CDK6: variants seen among roughly 807,000 people sequenced by gnomAD.
The protein encoded by CDK6 is cyclin dependent kinase 6, also known as cyclin-dependent kinase 6.
In CDK6, 6 loss-of-function variants were observed where a neutral mutation model predicts 37.1. That is an observed-to-expected ratio of 0.16 (90% confidence interval 0.09 to 0.32). The LOEUF is 0.32. Ranked by LOEUF, CDK6 falls within the 10% of genes least tolerant of loss-of-function variation. CDK6 has a pLI of 1.00. For synonymous variants in CDK6, 160 were observed against 161.3 expected, an observed-to-expected ratio of 0.99 and a Z score of 0.06; for missense variants, 224 against 418.9, an observed-to-expected ratio of 0.53 and a Z score of 4.06.
Position 92,608,117 on chromosome 7 carries a change from C to G in CDK6, c.*7023G>C, listed in dbSNP as rs908703482. 4.3e-6 allele frequency: 1 copy of G among 232,800 alleles called. No individual in the cohort carries two copies. Among genetic ancestry groups the G allele is most frequent in the Non-Finnish European group, 8.5e-6 (1 of 117,704 alleles). The allele number at this position is 232,800 out of a possible 1,614,324, so 14.4% of individuals were successfully genotyped here. ...ATCAACGGAATTTTTCTAGGGACCA[C>G]AGAGAGTTAGAAATTAAATAATTGT... On this transcript the variant is annotated 3_prime_UTR_variant, in exon 8 of 8. Coordinates refer to ENST00000424848, the MANE Select transcript of CDK6 (RefSeq NM_001145306.2).
chr7:92,705,388 C>T (rs1221024447), intron 4 of CDK6, among the ~76,000 whole-genome samples: 1 of 152,170 alleles, frequency 6.6e-6, no homozygotes. Flanking sequence ...CACCAAGTAA[C>T]CAACCTTCTC....
At chr7:92,811,434 T>C (rs957900702) in intron 2 of CDK6, among the ~76,000 whole-genome samples, 3 of 152,084 alleles carry the variant, frequency 2.0e-5, no homozygotes, top group African/African-American at 7.2e-5. Flanking sequence ...GAAAAGATTC[T>C]TTCTTGGCCT....
At chr7:92,811,871 G>A (rs1800894511) in intron 2 of CDK6, among the ~76,000 whole-genome samples, 1 of 152,114 alleles carries the variant, frequency 6.6e-6, no homozygotes, top group African/African-American at 2.4e-5. Flanking sequence ...CACTTAAAAG[G>A]GCGAGGCGCA....
At chr7:92,737,746 C>T (rs1329775646) in intron 3 of CDK6, among the ~76,000 whole-genome samples, 1 of 152,156 alleles carries the variant, frequency 6.6e-6, no homozygotes, top group African/African-American at 2.4e-5. Flanking sequence ...TAATGCTGAA[C>T]TGTGTGCATT....
In CDK6 at chr7:92,725,707, C is replaced by T. The variant is rs2116709915; in HGVS notation, c.456G>A (p.Leu152=). ...GTTTTATTTGTCCGCTGCTGGTCAC[C>T]AGAATGTTCTGTGGTTTTAGATCGC... ...VHRDLKPQNI[L]VTSSGQIKLA... is the part of the protein sequence containing the mutation. Residue 152 remains leucine (L), a synonymous_variant, in exon 4 of 8, where the codon CTG becomes CTA. Coordinates refer to ENST00000424848, the MANE Select transcript of CDK6 (RefSeq NM_001145306.2). 1 of 1,614,076 alleles carries T rather than the reference C, an allele frequency of 6.2e-7. No homozygotes were observed. The highest frequency in any genetic ancestry group is 1.1e-5 in the South Asian group (1 of 91,074).
intron 4 of CDK6, among the ~76,000 whole-genome samples, chr7:92,701,477 C>A (rs1410226348): frequency 3.9e-5 from 6 of 151,906 alleles, no homozygotes; most frequent in Admixed American, 3.9e-4. Context: ...GCGATCTCCA[C>A]TCACTGCAAG....
At chr7:92,630,098 T>A (rs1796018833) in intron 5 of CDK6, among the ~76,000 whole-genome samples, 1 of 152,098 alleles carries the variant, frequency 6.6e-6, no homozygotes, top group African/African-American at 2.4e-5. Flanking sequence ...AAACATTCAG[T>A]CAGTAACACG....
chr7:92,714,540 C>T (rs972118829), intron 4 of CDK6, among the ~76,000 whole-genome samples: 17 of 152,104 alleles, frequency 1.1e-4, no homozygotes, highest in African/African-American at 4.1e-4. Flanking sequence ...GGGCTTGTTT[C>T]CCACAGTGGT....
intron 3 of CDK6, among the ~76,000 whole-genome samples, chr7:92,755,291 G>C (rs1030326474): frequency 6.6e-6 from 1 of 151,934 alleles, no homozygotes; most frequent in African/African-American, 2.4e-5. Flanking sequence ...GTTTAACCTC[G>C]GGGAACGTCT....
intron 4 of CDK6, among the ~76,000 whole-genome samples, chr7:92,676,916 G>A (rs1357891247): frequency 4.8e-5 from 7 of 147,152 alleles, no homozygotes; most frequent in East Asian, 2.0e-4. Context: ...CTGAGATCGC[G>A]CCACTGCACT....
chr7:92,805,244 T>C (rs1264119916), intron 2 of CDK6, among the ~76,000 whole-genome samples: 2 of 152,178 alleles, frequency 1.3e-5, no homozygotes, highest in African/African-American at 4.8e-5. Flanking sequence ...ACGTTGCCAC[T>C]TCCCTTGGCT....
chr7:92,736,204 T>A (rs190621035), intron 3 of CDK6, among the ~76,000 whole-genome samples: 14 of 152,174 alleles, frequency 9.2e-5, no homozygotes, highest in Admixed American at 9.2e-4. Context: ...TATGATTATG[T>A]GTATTATGGT....
In CDK6 at chr7:92,610,033, ATC is replaced by A; in HGVS notation, c.*5105_*5106del. ...CGCAGAAAAATAAAGTTAGAATGAA[ATC>A]TCTTTTAGAAGTACCTCTTTAGTCT... On this transcript the variant is annotated 3_prime_UTR_variant, in exon 8 of 8. Coordinates refer to ENST00000424848, the MANE Select transcript of CDK6 (RefSeq NM_001145306.2). The A allele has an allele frequency of 4.4e-6, 1 of 229,686 alleles. No individual in the cohort carries two copies. The highest frequency in any genetic ancestry group is 2.2e-5 in the African/African-American group (1 of 45,270). 14.2% of individuals were successfully genotyped at this position (229,686 alleles called of 1,614,324 possible). A position where few individuals can be genotyped will look rare whatever the true frequency, so the allele number is the denominator to read the frequency against.
intron 3 of CDK6, among the ~76,000 whole-genome samples, chr7:92,760,905 CA>C (rs1365681025): frequency 3.3e-5 from 5 of 151,994 alleles, no homozygotes; most frequent in South Asian, 2.1e-4. Flanking sequence ...CCCTATGGTA[CA>C]TTTTTTTATT....
At chr7:92,764,840 GA>G (rs1306081078) in intron 3 of CDK6, among the ~76,000 whole-genome samples, 1 of 152,168 alleles carries the variant, frequency 6.6e-6, no homozygotes, top group Non-Finnish European at 1.5e-5. Context: ...TAGGAATGAG[GA>G]ATAAGATACT....
At chr7:92,829,805 G>T (rs779049603) in intron 2 of CDK6, among the ~76,000 whole-genome samples, 1 of 152,176 alleles carries the variant, frequency 6.6e-6, no homozygotes. Context: ...TATAAAACTG[G>T]TTAGGTTAAG....
chr7:92,622,053 T>G (rs1375051444), intron 6 of CDK6, among the ~76,000 whole-genome samples: 1 of 149,784 alleles, frequency 6.7e-6, no homozygotes, highest in Non-Finnish European at 1.5e-5. Context: ...TTCATAAAAA[T>G]CACTGGGATT....
At chr7:92,731,572 C>T (rs1050431258) in intron 3 of CDK6, among the ~76,000 whole-genome samples, 2 of 152,176 alleles carry the variant, frequency 1.3e-5, no homozygotes, top group East Asian at 3.8e-4. Context: ...AATGGAAACA[C>T]TGGCTTCTAA....
At chr7:92,699,270 AG>A (rs1192924007) in intron 4 of CDK6, among the ~76,000 whole-genome samples, 2 of 152,216 alleles carry the variant, frequency 1.3e-5, no homozygotes, top group African/African-American at 2.4e-5. Context: ...GAGTTCCCAA[AG>A]TACTAGGAAG....
Sources: gnomAD v4.1 joint callset for allele counts (sites outside exome capture counted in the v4.1 genomes callset) on GRCh38, gnomAD v4.1.1 for gene constraint, MANE v1.5 for transcripts, NCBI Gene and HGNC (gene_info 2026-07-23, HGNC 2026-07-21) for gene names.